PID1: variants seen among roughly 807,000 people sequenced by gnomAD.
PID1 encodes the protein phosphotyrosine interaction domain containing 1.
PID1 carries 10 observed loss-of-function variants against 19.1 expected under a neutral mutation model. The ratio of observed to expected loss-of-function variants is 0.52; its 90% confidence interval spans 0.32 to 0.89. The LOEUF (loss-of-function observed/expected upper bound fraction) is 0.89, where lower values mean the gene tolerates loss of function less well. PID1 is among the 40% of genes least tolerant of loss of function. The pLI is 0.03. For missense variants in PID1, 248 were observed against 285.3 expected, an observed-to-expected ratio of 0.87 and a Z score of 0.94; for synonymous variants, 130 against 116.0, an observed-to-expected ratio of 1.12 and a Z score of -0.78.
At chr2:229,056,392 G>A (rs1487039042) in intron 2 of PID1, among the ~76,000 whole-genome samples, 1 of 151,972 alleles carries the variant, frequency 6.6e-6, no homozygotes, top group Non-Finnish European at 1.5e-5. Flanking sequence ...CTTCTGTTAG[G>A]CACACTACCG....
chr2:229,085,114 T>G (rs963975397), intron 2 of PID1, among the ~76,000 whole-genome samples: 2 of 151,822 alleles, frequency 1.3e-5, no homozygotes, highest in East Asian at 1.9e-4. Context: ...TTAAATAAAC[T>G]ATGACAATTG....
chr2:229,034,882 T>A (rs552548410), intron 2 of PID1, among the ~76,000 whole-genome samples: 18 of 152,220 alleles, frequency 1.2e-4, no homozygotes, highest in African/African-American at 4.3e-4. Context: ...AGTGATCACA[T>A]TGGAACCCAG....
intron 2 of PID1, among the ~76,000 whole-genome samples, chr2:229,091,114 A>G (rs1268587283): frequency 2.0e-5 from 3 of 152,214 alleles, no homozygotes; most frequent in Non-Finnish European, 4.4e-5. Context: ...CCTACAAAAT[A>G]AAAATAAACA....
chr2:229,124,102 T>C (rs1469389532), intron 2 of PID1, among the ~76,000 whole-genome samples: 2 of 152,200 alleles, frequency 1.3e-5, no homozygotes, highest in East Asian at 3.8e-4. Context: ...ATGTGTTTGA[T>C]AAATTAAAAC....
intron 1 of PID1, among the ~76,000 whole-genome samples, chr2:229,171,127 G>A (rs1559267559): frequency 6.6e-6 from 1 of 152,198 alleles, no homozygotes. Flanking sequence ...GCACGTACAT[G>A]TTATAAACAC....
intron 2 of PID1, among the ~76,000 whole-genome samples, chr2:229,149,770 A>G (rs1482186223): frequency 6.6e-6 from 1 of 152,138 alleles, no homozygotes; most frequent in Non-Finnish European, 1.5e-5. Flanking sequence ...TCAAGAGGAG[A>G]CAAGATTTGG....
chr2:229,095,303 C>A (rs1398810484), intron 2 of PID1, among the ~76,000 whole-genome samples: 1 of 152,134 alleles, frequency 6.6e-6, no homozygotes, highest in Non-Finnish European at 1.5e-5. Flanking sequence ...ATGAGACTTT[C>A]AATTCTCTAA....
In PID1 at chr2:229,236,977, T is replaced by TAC. The variant is rs773134027; in HGVS notation, c.30+34035_30+34036dup. On this transcript the variant is annotated intron_variant, in intron 1 of 2. Coordinates refer to ENST00000392055, the MANE Select transcript of PID1 (RefSeq NM_001100818.2). The stretch of plus-strand genomic sequence containing the variant: ...AAGCCTAGCATGCGGCCTTCTCCTT[T>TAC]ACACACACATACACACACACACACA... Among the ~76,000 whole-genome samples, 172 of 56,684 alleles carry TAC rather than the reference T, an allele frequency of 3.0e-3. 1 individual carries two copies. The highest frequency in any genetic ancestry group is 6.0e-3 in the African/African-American group (116 of 19,386). The allele number at this position is 56,684 out of a possible 152,430, so 37.2% of individuals were successfully genotyped here. A position where few individuals can be genotyped will look rare whatever the true frequency, so the allele number is the denominator to read the frequency against.
intron 2 of PID1, among the ~76,000 whole-genome samples, chr2:229,126,314 T>C (rs913216053): frequency 6.6e-6 from 1 of 152,134 alleles, no homozygotes; most frequent in African/African-American, 2.4e-5. Context: ...TTTCCCATTG[T>C]GCTACACAAA....
At chr2:229,073,167 C>A (rs963859894) in intron 2 of PID1, among the ~76,000 whole-genome samples, 4 of 152,084 alleles carry the variant, frequency 2.6e-5, no homozygotes, top group Non-Finnish European at 1.5e-5. Flanking sequence ...CTGGGACTAC[C>A]GGCGCCCGCC....
intron 2 of PID1, among the ~76,000 whole-genome samples, chr2:229,106,288 T>C (rs1036231218): frequency 4.6e-5 from 7 of 152,168 alleles, no homozygotes; most frequent in African/African-American, 1.7e-4. Flanking sequence ...ATTTCTTCTC[T>C]AGTTATCATG....
intron 1 of PID1, 132 bp from the exon 2 acceptor site, chr2:229,156,096 TA>T (rs1690368134): frequency 1.4e-6 from 1 of 720,444 alleles, no homozygotes; most frequent in Admixed American, 2.8e-5. Flanking sequence ...AGATATTTAG[TA>T]AAACAGAGGA....
intron 1 of PID1, 121 bp from the exon 2 acceptor site, chr2:229,156,085 G>C: frequency 2.5e-6 from 2 of 795,938 alleles, no homozygotes; most frequent in Non-Finnish European, 3.9e-6. Flanking sequence ...GGGAGGCCAA[G>C]AGATATTTAG....
chr2:229,173,287 C>CA lies in PID1; in HGVS notation c.31-17324dup, dbSNP rs1478112821. ...CTGAATTGACTCAAGGATGCATGGTCACCAAAATGCCAATGGTTTCGATAA... is the reference window on the plus strand; with the variant it reads ...CTGAATTGACTCAAGGATGCATGGTCAACCAAAATGCCAATGGTTTCGATAA... On this transcript the variant is annotated intron_variant, in intron 1 of 2. Coordinates refer to ENST00000392055, the MANE Select transcript of PID1 (RefSeq NM_001100818.2). Among the ~76,000 whole-genome samples, 4 of 152,142 alleles carry CA rather than the reference C, an allele frequency of 2.6e-5. No individual in the cohort carries two copies. In the East Asian group the frequency reaches 7.7e-4, roughly 29 times the overall value.
At chr2:229,133,810 T>A (rs564343006) in intron 2 of PID1, among the ~76,000 whole-genome samples, 6 of 152,132 alleles carry the variant, frequency 3.9e-5, no homozygotes, top group Non-Finnish European at 7.3e-5. Flanking sequence ...TACTTTAAGT[T>A]TTAGGGTACA....
intron 1 of PID1, among the ~76,000 whole-genome samples, chr2:229,170,573 A>G (rs911484466): frequency 2.0e-5 from 3 of 152,204 alleles, no homozygotes; most frequent in Non-Finnish European, 4.4e-5. Flanking sequence ...CAGGTTGTGG[A>G]ATTGAATATA....
intron 1 of PID1, among the ~76,000 whole-genome samples, chr2:229,209,514 G>A (rs1025612937): frequency 1.3e-5 from 2 of 152,208 alleles, no homozygotes; most frequent in South Asian, 4.1e-4. Context: ...CAGGGGCAGT[G>A]GAACCACAGT....
At chr2:229,266,139 C>A (rs1043226575) in intron 1 of PID1, among the ~76,000 whole-genome samples, 5 of 152,160 alleles carry the variant, frequency 3.3e-5, no homozygotes, top group Admixed American at 2.0e-4. Flanking sequence ...GCTTACTCAA[C>A]TACAATTGAT....
At chr2:229,263,270 T>C (rs1221582512) in intron 1 of PID1, among the ~76,000 whole-genome samples, 1 of 152,220 alleles carries the variant, frequency 6.6e-6, no homozygotes, top group African/African-American at 2.4e-5. Context: ...TTCCATCTTA[T>C]CATGCTAGCC....
Sources: allele counts gnomAD v4.1 joint callset (sites outside exome capture counted in the v4.1 genomes callset), GRCh38; gene constraint gnomAD v4.1.1; transcripts MANE v1.5; gene names NCBI Gene and HGNC (gene_info 2026-07-23, HGNC 2026-07-21).